SLC4A4: variants seen among roughly 807,000 people sequenced by gnomAD.
SLC4A4 encodes the protein electrogenic sodium bicarbonate cotransporter 1.
Under a neutral mutation model 111.5 loss-of-function variants are expected in SLC4A4, and 27 were observed. That is an observed-to-expected ratio of 0.24 (90% CI 0.18 to 0.33). The LOEUF is 0.33. Among genes scored for constraint, SLC4A4 ranks in the 10% least tolerant of loss-of-function variants. The pLI, the probability that SLC4A4 is intolerant of heterozygous loss-of-function variation, is 1.00. For missense variants in SLC4A4, 909 were observed against 1,315.5 expected (o/e 0.69, Z 4.78); for synonymous variants, 443 against 463.4 (o/e 0.96, Z 0.57).
chr4:71,552,334 A>G (rs1365198458), intron 20 of SLC4A4, among the ~76,000 whole-genome samples: 4 of 151,676 alleles, frequency 2.6e-5, no homozygotes, highest in Non-Finnish European at 5.9e-5. Flanking sequence ...CTCGTTCTGG[A>G]TTGTACATTC....
chr4:71,331,789 G>A (rs1013753059), intron 3 of SLC4A4, among the ~76,000 whole-genome samples: 21 of 151,012 alleles, frequency 1.4e-4, no homozygotes, highest in Non-Finnish European at 2.9e-4. Flanking sequence ...TTTAAATTCA[G>A]CTGTGAAACC....
intron 2 of SLC4A4, among the ~76,000 whole-genome samples, chr4:71,174,391 C>T (rs1392162121): frequency 6.6e-6 from 1 of 151,786 alleles, no homozygotes; most frequent in African/African-American, 2.4e-5. Context: ...CTGGTATTAA[C>T]AGGTGTGCAC....
chr4:71,359,208 T>A (rs1442363521), intron 6 of SLC4A4, among the ~76,000 whole-genome samples: 1 of 152,214 alleles, frequency 6.6e-6, no homozygotes, highest in Non-Finnish European at 1.5e-5. Flanking sequence ...TATCTGTAGA[T>A]CTCTGTACTT....
intron 3 of SLC4A4, among the ~76,000 whole-genome samples, chr4:71,323,418 A>G (rs1727271523): frequency 6.6e-6 from 1 of 152,044 alleles, no homozygotes; most frequent in African/African-American, 2.4e-5. Flanking sequence ...TTTATTCACT[A>G]AAGGAAGGAT....
intron 2 of SLC4A4, among the ~76,000 whole-genome samples, chr4:71,119,362 T>C (rs1230815818): frequency 6.6e-6 from 1 of 152,138 alleles, no homozygotes; most frequent in Admixed American, 6.6e-5. Flanking sequence ...TTTATTGTTG[T>C]AGTTGGGGGT....
At chr4:71,389,351 C>T (rs76811243) in intron 6 of SLC4A4, among the ~76,000 whole-genome samples, 3,796 of 152,268 alleles carry the variant, frequency 0.025, 159 homozygotes, top group East Asian at 0.14. Flanking sequence ...ATTTTCTCCA[C>T]ATTTGCTCCA....
chr4:71,089,773 A>G (rs1229968127), intron 1 of SLC4A4, among the ~76,000 whole-genome samples: 1 of 151,970 alleles, frequency 6.6e-6, no homozygotes, highest in East Asian at 1.9e-4. Flanking sequence ...GTCTCAGAGG[A>G]GTACCCGGCC....
At chr4:71,494,275 A>G (rs1345272159) in intron 15 of SLC4A4, among the ~76,000 whole-genome samples, 1 of 152,056 alleles carries the variant, frequency 6.6e-6, no homozygotes, top group Non-Finnish European at 1.5e-5. Context: ...GAATTCTAAC[A>G]GGCAGAAAGG....
chr4:71,455,247 A>G (rs560903965), intron 12 of SLC4A4, among the ~76,000 whole-genome samples: 2 of 152,170 alleles, frequency 1.3e-5, no homozygotes, highest in South Asian at 4.1e-4. Flanking sequence ...AAGAACACAT[A>G]CCTCTGTGTT....
chr4:71,180,324 T>A (rs1442612288), intron 2 of SLC4A4, among the ~76,000 whole-genome samples: 2 of 152,134 alleles, frequency 1.3e-5, no homozygotes, highest in Admixed American at 6.5e-5. Flanking sequence ...CCAAAAGCAA[T>A]GGCAACAAAA....
At chr4:71,142,989 G>A (rs1404964290) in intron 2 of SLC4A4, among the ~76,000 whole-genome samples, 1 of 151,622 alleles carries the variant, frequency 6.6e-6, no homozygotes, top group Non-Finnish European at 1.5e-5. Flanking sequence ...GGGTACATGT[G>A]CACAACCTGC....
chr4:71,351,883 T>G (rs1007922794), intron 5 of SLC4A4, among the ~76,000 whole-genome samples: 3 of 152,190 alleles, frequency 2.0e-5, no homozygotes, highest in Non-Finnish European at 4.4e-5. Flanking sequence ...CATGTCAACA[T>G]AGGTACAAAT....
chr4:71,114,518 G>A (rs529558474), intron 2 of SLC4A4, among the ~76,000 whole-genome samples: 1 of 149,966 alleles, frequency 6.7e-6, no homozygotes, highest in Admixed American at 6.6e-5. Flanking sequence ...ATCAAAAAGT[G>A]GGCGAAGGAC....
intron 3 of SLC4A4, among the ~76,000 whole-genome samples, chr4:71,291,804 A>G (rs1724374202): frequency 1.3e-5 from 2 of 152,224 alleles, no homozygotes; most frequent in African/African-American, 4.8e-5. Flanking sequence ...AAGAGTGAAA[A>G]TGTACTTTAC....
intron 2 of SLC4A4, among the ~76,000 whole-genome samples, chr4:71,177,656 C>T (rs574949634): frequency 3.9e-5 from 6 of 152,292 alleles, no homozygotes; most frequent in African/African-American, 1.4e-4. Flanking sequence ...GCACCCAATA[C>T]AGGAGCACCC....
At chr4:71,401,388 T>C (rs938090566) in intron 7 of SLC4A4, among the ~76,000 whole-genome samples, 3 of 152,186 alleles carry the variant, frequency 2.0e-5, no homozygotes, top group Non-Finnish European at 4.4e-5. Flanking sequence ...ATATTCCAAC[T>C]TGGATGTTAT....
chr4:71,370,797 A>G lies in SLC4A4; in HGVS notation c.730+13610A>G, dbSNP rs200259681. ...ATGTCAGACATCCAGACATTGAAGTATTTTTGTCGATAAAGTGTCAAGGAA... is the reference window on the plus strand; with the variant it reads ...ATGTCAGACATCCAGACATTGAAGTGTTTTTGTCGATAAAGTGTCAAGGAA... On this transcript the variant is annotated intron_variant, in intron 6 of 25. Coordinates refer to ENST00000264485, the MANE Select transcript of SLC4A4 (RefSeq NM_001098484.3). 2.0e-5 allele frequency among the ~76,000 whole-genome samples: 3 copies of G among 152,288 alleles called. No homozygotes were observed. In the East Asian group the frequency reaches 5.8e-4, roughly 29 times the overall value.
intron 3 of SLC4A4, among the ~76,000 whole-genome samples, chr4:71,262,315 G>A (rs542760585): frequency 1.1e-3 from 167 of 152,280 alleles, no homozygotes; most frequent in African/African-American, 3.7e-3. Context: ...AGTAGTTGGG[G>A]TGAGGGACCA....
At chr4:71,185,353 C>T (rs925937337), upstream of SLC4A4, among the ~76,000 whole-genome samples, 3 of 152,196 alleles carry the variant, frequency 2.0e-5, no homozygotes, top group African/African-American at 7.2e-5. Flanking sequence ...CTGATTCTTG[C>T]TAACTGCCTG....
Sources: gnomAD v4.1 joint callset for allele counts (sites outside exome capture counted in the v4.1 genomes callset) on GRCh38, gnomAD v4.1.1 for gene constraint, MANE v1.5 for transcripts, NCBI Gene and HGNC (gene_info 2026-07-23, HGNC 2026-07-21) for gene names.